PIBF1: variants seen among roughly 807,000 people sequenced by gnomAD.
PIBF1 encodes progesterone-induced-blocking factor 1.
PIBF1 carries 90 observed loss-of-function variants against 112.5 expected under a neutral mutation model. The observed-to-expected ratio is 0.80, with a 90% CI of 0.67 to 0.95. The LOEUF is 0.95. PIBF1 is among the 40% of genes least tolerant of loss of function. The probability of loss-of-function intolerance (pLI) is 0.00; values close to 1 mark genes in which losing one functional copy is unlikely to be tolerated. For synonymous variants in PIBF1, 301 were observed against 288.6 expected, an observed-to-expected ratio of 1.04 and a Z score of -0.44; for missense variants, 915 against 852.3, an observed-to-expected ratio of 1.07 and a Z score of -0.92.
At chr13:72,931,138 A>T (rs1413551362) in intron 13 of PIBF1, 27 bp from the exon 14 acceptor site, 1 of 1,398,620 alleles carries the variant, frequency 7.1e-7, no homozygotes, top group Admixed American at 1.8e-5. Context: ...ACTTTTAAGC[A>T]TTAATTTTCT....
chr13:72,950,711 T>C (rs936846246), intron 14 of PIBF1, among the ~76,000 whole-genome samples: 4 of 152,260 alleles, frequency 2.6e-5, no homozygotes, highest in African/African-American at 7.2e-5. Flanking sequence ...GTACCTATTA[T>C]GGGCCAGGCA....
chr13:72,987,337 G>C (rs1359042899), intron 16 of PIBF1, among the ~76,000 whole-genome samples: 1 of 150,444 alleles, frequency 6.6e-6, no homozygotes, highest in Non-Finnish European at 1.5e-5. Context: ...TGAAACGGGA[G>C]TGTTTTGGTT....
In PIBF1 at chr13:72,980,105, C is replaced by G. The variant is rs150167156; in HGVS notation, c.2049+6430C>G. On this transcript the variant is annotated intron_variant, in intron 16 of 17. Coordinates refer to ENST00000326291, the MANE Select transcript of PIBF1 (RefSeq NM_006346.4). ...GGGGAAGAAAAGTTCAAGAAAATATCTAAGTGGATATATACACTAGAGAGT... is the reference window on the plus strand; with the variant it reads ...GGGGAAGAAAAGTTCAAGAAAATATGTAAGTGGATATATACACTAGAGAGT... Among the ~76,000 whole-genome samples, 362 of 152,148 alleles carry G rather than the reference C, an allele frequency of 2.4e-3. 1 individual carries two copies. The highest frequency in any genetic ancestry group is 8.1e-3 in the African/African-American group (338 of 41,512).
chr13:72,895,455 A>G (rs978179418), intron 11 of PIBF1, among the ~76,000 whole-genome samples: 1 of 151,808 alleles, frequency 6.6e-6, no homozygotes, highest in African/African-American at 2.4e-5. Flanking sequence ...CGCCTTCTAC[A>G]TAAATAAGTG....
intron 10 of PIBF1, among the ~76,000 whole-genome samples, chr13:72,868,828 T>TAAA (rs56290400): frequency 7.9e-5 from 9 of 114,258 alleles, no homozygotes; most frequent in South Asian, 2.9e-4. Flanking sequence ...TCCCAAAAAG[T>TAAA]AAAAAAAAAA....
At position 72,850,432 on chromosome 13, in the gene PIBF1, ACCC is replaced by A. The variant is rs751708619; in HGVS notation, c.1224-3624_1224-3622del. On this transcript the variant is annotated intron_variant, in intron 9 of 17. Coordinates refer to ENST00000326291, the MANE Select transcript of PIBF1 (RefSeq NM_006346.4). ...GCCTTAACATAGTACTTAACATAGT[ACCC>A]GCTAATCATACCTCCTTTCACAAGC... Among the ~76,000 whole-genome samples, 168 of 152,310 alleles carry A rather than the reference ACCC, an allele frequency of 1.1e-3. 2 individuals carry two copies. The highest frequency in any genetic ancestry group is 1.7e-3 in the Non-Finnish European group (119 of 68,028).
intron 9 of PIBF1, among the ~76,000 whole-genome samples, chr13:72,852,379 C>T (rs1408197848): frequency 6.6e-6 from 1 of 152,222 alleles, no homozygotes; most frequent in Non-Finnish European, 1.5e-5. Flanking sequence ...CCGCCTACCC[C>T]ACGGCAGCCG....
intron 10 of PIBF1, chr13:72,881,065 CA>C (rs1181194965): frequency 1.3e-5 from 2 of 150,562 alleles, no homozygotes; most frequent in East Asian, 3.9e-4. Context: ...AGGGAGTAGT[CA>C]AATTATCCTT....
chr13:72,895,156 T>C (rs939284717), intron 11 of PIBF1, among the ~76,000 whole-genome samples: 11 of 152,062 alleles, frequency 7.2e-5, no homozygotes, highest in African/African-American at 2.7e-4. Context: ...GATGAAATTA[T>C]ATCTTATGTT....
At chr13:72,820,641 TTGTATC>T (rs536086018) in intron 5 of PIBF1, among the ~76,000 whole-genome samples, 388 of 152,302 alleles carry the variant, frequency 2.5e-3, no homozygotes, top group Non-Finnish European at 3.5e-3. Context: ...TTACTCATCT[TTGTATC>T]TGTAGTGCCT....
chr13:72,827,027 A>G lies in PIBF1; in HGVS notation c.824A>G (p.Glu275Gly). ...DKVKSERDALEQEVIELRRKH... is the reference protein window; with the variant it reads ...DKVKSERDALGQEVIELRRKH... ...TTTAACAGTGAACGTGATGCACTTG[A>G]ACAGGAAGTAATTGAGCTTAGGAGA... is the stretch of plus-strand genomic sequence containing the variant. The change falls in exon 7 of 18, where the codon GAA becomes GGA. Residue 275 changes from glutamate to glycine, a missense_variant. Transcript: ENST00000326291. 6.3e-7 allele frequency: 1 copy of G among 1,596,682 alleles called. No homozygotes were observed.
intron 15 of PIBF1, among the ~76,000 whole-genome samples, chr13:72,969,050 AAT>A (rs2042824780): frequency 6.6e-6 from 1 of 151,982 alleles, no homozygotes; most frequent in South Asian, 2.1e-4. Flanking sequence ...TAAAAATAAA[AAT>A]AATGAGAGTG....
rs1208157967 is a variant in PIBF1, at chr13:72,893,897, G to A, written c.1436G>A (p.Arg479Lys). The A allele has an allele frequency of 6.2e-7, 1 of 1,608,790 alleles. No individual in the cohort carries two copies. The highest frequency in any genetic ancestry group is 1.3e-5 in the African/African-American group (1 of 74,656). The change falls in exon 11 of 18, where the codon AGA becomes AAA. Residue 479 changes from arginine (R) to lysine (K), a missense_variant. Physicochemically the swap from Arg to Lys is conservative, Grantham distance 26 (BLOSUM62 2). Transcript: ENST00000326291. ...CAACTTCTGCAAGAGGAAACAGCAAGAAATCTCACACAGTGTCAATTGGAA... is the reference window on the plus strand; with the variant it reads ...CAACTTCTGCAAGAGGAAACAGCAAAAAATCTCACACAGTGTCAATTGGAA... Reference protein sequence around the residue: ...RVQLLQEETARNLTQCQLECE... With the variant: ...RVQLLQEETAKNLTQCQLECE...
Position 72,822,175 on chromosome 13 carries a change from T to C in PIBF1, c.806+193T>C, listed in dbSNP as rs183522580. ...TGGTTGTTTTTGTTTTATTTAGATGTCACTGCTGTCTTAAAATGTAAACAG... is the reference window on the plus strand; with the variant it reads ...TGGTTGTTTTTGTTTTATTTAGATGCCACTGCTGTCTTAAAATGTAAACAG... On this transcript the variant is annotated intron_variant, in intron 6 of 17. Transcript: ENST00000326291. Among the ~76,000 whole-genome samples, 8 of 152,316 alleles carry C rather than the reference T, an allele frequency of 5.3e-5. No homozygotes were observed. In the East Asian group the frequency reaches 1.3e-3, roughly 26 times the overall value.
chr13:72,971,637 A>G (rs1448789056), intron 15 of PIBF1, among the ~76,000 whole-genome samples: 1 of 152,222 alleles, frequency 6.6e-6, no homozygotes, highest in Admixed American at 6.5e-5. Flanking sequence ...TAACATTTAT[A>G]TAGTTTTATG....
At chr13:72,979,743 G>T (rs1030751741) in intron 16 of PIBF1, among the ~76,000 whole-genome samples, 5 of 152,060 alleles carry the variant, frequency 3.3e-5, no homozygotes, top group East Asian at 3.9e-4. Context: ...CTAACACAGT[G>T]AAACCTGTCC....
chr13:73,013,743 A>G (rs866802200), intron 17 of PIBF1, among the ~76,000 whole-genome samples: 5 of 64,078 alleles, frequency 7.8e-5, no homozygotes, highest in Non-Finnish European at 9.4e-5. Context: ...AAAAAAAAAA[A>G]AAAAAAAAAA....
chr13:72,792,570 A>C, intron 3 of PIBF1, 23 bp downstream of exon 3: 1 of 1,178,728 alleles, frequency 8.5e-7, no homozygotes, highest in Non-Finnish European at 1.2e-6. Flanking sequence ...TTTTTTAAAA[A>C]AAAAACAACA....
At chr13:72,950,669 T>C (rs1234673537) in intron 14 of PIBF1, among the ~76,000 whole-genome samples, 3 of 152,196 alleles carry the variant, frequency 2.0e-5, no homozygotes, top group South Asian at 2.1e-4. Context: ...AGTACTAATA[T>C]CAAATTCATT....
Sources: allele counts gnomAD v4.1 joint callset (sites outside exome capture counted in the v4.1 genomes callset), GRCh38; gene constraint gnomAD v4.1.1; transcripts MANE v1.5; gene names NCBI Gene and HGNC (gene_info 2026-07-23, HGNC 2026-07-21).